The following PREX1 variants were observed in gnomAD, a reference collection of about 807,000 sequenced individuals.
PREX1 encodes the protein phosphatidylinositol 3,4,5-trisphosphate-dependent Rac exchanger 1 protein.
A neutral mutation model predicts 198.3 loss-of-function variants in PREX1; 41 were observed. The ratio of observed to expected loss-of-function variants is 0.21; its 90% CI spans 0.16 to 0.27. PREX1 has a LOEUF of 0.27. PREX1 is among the 10% of genes least tolerant of loss of function. PREX1 has a pLI of 1.00. For missense variants in PREX1, 1,620 were observed against 2,200.7 expected (o/e 0.74, Z 5.28); for synonymous variants, 843 against 887.2 (o/e 0.95, Z 0.89).
At chr20:48,680,415 C>T (rs913178252) in intron 11 of PREX1, among the ~76,000 whole-genome samples, 35 of 152,190 alleles carry the variant, frequency 2.3e-4, no homozygotes, top group African/African-American at 7.2e-4. Flanking sequence ...CTTTCCTCTA[C>T]GCAGAGCTCA....
At position 48,684,882 on chromosome 20, in the gene PREX1, G is replaced by T. The variant is rs549110347; in HGVS notation, c.1335-3547C>A. ...CTCACTGCAGCCTCAGGGCTTTCGCGCCTACTGCTTCCTAAGCCAGGAATG... is the reference window on the plus strand; with the variant it reads ...CTCACTGCAGCCTCAGGGCTTTCGCTCCTACTGCTTCCTAAGCCAGGAATG... On this transcript the variant is annotated intron_variant, in intron 10 of 39. Transcript: ENST00000371941. The surrounding 1 kb of genome is among the most constrained non-coding windows in gnomAD (Gnocchi z 4.2). 3.3e-4 allele frequency among the ~76,000 whole-genome samples: 51 copies of T among 152,276 alleles called. No individual in the cohort carries two copies. Among genetic ancestry groups the T allele is most frequent in the African/African-American group, 1.2e-3 (48 of 41,548 alleles).
At chr20:48,746,865 G>A (rs1393753519) in intron 2 of PREX1, among the ~76,000 whole-genome samples, 2 of 151,684 alleles carry the variant, frequency 1.3e-5, no homozygotes. Context: ...GAATAAACAG[G>A]AGGTGCTCAG....
At chr20:48,671,085 G>A (rs200576957) in intron 14 of PREX1, among the ~76,000 whole-genome samples, 3 of 152,278 alleles carry the variant, frequency 2.0e-5, no homozygotes, top group Admixed American at 6.5e-5. Flanking sequence ...GCCACCTCCC[G>A]AAGTCAGAAG....
At chr20:48,633,119 C>T (rs2089328910) in intron 33 of PREX1, among the ~76,000 whole-genome samples, 1 of 152,200 alleles carries the variant, frequency 6.6e-6, no homozygotes, top group Non-Finnish European at 1.5e-5. Flanking sequence ...GCACCCAGAC[C>T]CCATCCTGCA....
chr20:48,842,963 C>G, the PREX1 span, among the ~76,000 whole-genome samples: 1 of 152,252 alleles, frequency 6.6e-6, no homozygotes, highest in Admixed American at 6.5e-5. Flanking sequence ...GGGGCTAGCA[C>G]AGAGCCTGGC....
chr20:48,642,566 G>A (rs973858632), intron 27 of PREX1, 77 bp from the exon 28 acceptor site: 9 of 1,300,340 alleles, frequency 6.9e-6, no homozygotes, highest in East Asian at 2.4e-5. Flanking sequence ...TCCTAAGAGG[G>A]GGATACAGCT....
At chr20:48,821,394 C>A (rs553931162) in intron 1 of PREX1, among the ~76,000 whole-genome samples, 1 of 152,254 alleles carries the variant, frequency 6.6e-6, no homozygotes, top group East Asian at 1.9e-4. Flanking sequence ...AGATTCAGAC[C>A]GAATGACCCA....
intron 14 of PREX1, among the ~76,000 whole-genome samples, chr20:48,668,265 G>C (rs960441317): frequency 2.0e-5 from 3 of 152,196 alleles, no homozygotes; most frequent in African/African-American, 7.2e-5. Context: ...GAACCAGAAG[G>C]CAGCACGGCC....
chr20:48,742,372 C>T (rs1159707795), intron 3 of PREX1, among the ~76,000 whole-genome samples: 1 of 152,122 alleles, frequency 6.6e-6, no homozygotes, highest in Non-Finnish European at 1.5e-5. Context: ...CTCAACCACC[C>T]TAGAAGGTGA....
At chr20:48,724,017 A>C (rs1487476570) in intron 5 of PREX1, among the ~76,000 whole-genome samples, 1 of 152,220 alleles carries the variant, frequency 6.6e-6, no homozygotes, top group African/African-American at 2.4e-5. Context: ...TTTGAAACGC[A>C]GAGAAGAAGG....
At chr20:48,682,665 T>A (rs1025118804) in intron 10 of PREX1, among the ~76,000 whole-genome samples, 1 of 152,112 alleles carries the variant, frequency 6.6e-6, no homozygotes, top group African/African-American at 2.4e-5. Flanking sequence ...CTTTCCCAGC[T>A]CCCACGTGAC....
chr20:48,671,325 C>A (rs894989139), intron 14 of PREX1, among the ~76,000 whole-genome samples: 1 of 152,316 alleles, frequency 6.6e-6, no homozygotes, highest in Middle Eastern at 3.4e-3. Context: ...ATGTCTGGAG[C>A]CATGGCTGCC....
intron 3 of PREX1, among the ~76,000 whole-genome samples, chr20:48,734,970 C>A (rs1268016391): frequency 6.6e-6 from 1 of 152,190 alleles, no homozygotes; most frequent in Non-Finnish European, 1.5e-5. Flanking sequence ...GGCAGGTTAC[C>A]TGACTTCCCT....
chr20:48,741,753 G>A (rs778345462), intron 3 of PREX1, among the ~76,000 whole-genome samples: 3 of 152,332 alleles, frequency 2.0e-5, no homozygotes, highest in African/African-American at 4.8e-5. Flanking sequence ...AGGCCTTTGC[G>A]GAGAAGATGG....
chr20:48,656,904 G>C, intron 18 of PREX1, 136 bp downstream of exon 18: 1 of 1,211,210 alleles, frequency 8.3e-7, no homozygotes. Flanking sequence ...AATTAATGAA[G>C]GTCCAGCTTG....
At chr20:48,726,224 TA>T in intron 5 of PREX1, 65 bp downstream of exon 5, 3 of 1,391,482 alleles carry the variant, frequency 2.2e-6, no homozygotes, top group Non-Finnish European at 3.0e-6. Flanking sequence ...ATACTTGAAC[TA>T]ACAAATTTTA....
intron 1 of PREX1, among the ~76,000 whole-genome samples, chr20:48,788,148 T>A (rs1156333882): frequency 6.6e-6 from 1 of 152,194 alleles, no homozygotes; most frequent in Non-Finnish European, 1.5e-5. Context: ...AAGTTTTCTG[T>A]AAGCCGGGAA....
At position 48,797,454 on chromosome 20, in the gene PREX1, CTT is replaced by C. The variant is rs376049974; in HGVS notation, c.219+30186_219+30187del. Among the ~76,000 whole-genome samples, 29 of 152,064 alleles carry C rather than the reference CTT, an allele frequency of 1.9e-4. No homozygotes were observed. In the East Asian group the frequency reaches 5.6e-3, roughly 29 times the overall value. On this transcript the variant is annotated intron_variant, in intron 1 of 39. Transcript: ENST00000371941. ...AACAATATCCCCTTTTACCACCCCT[CTT>C]GTCTCTCACTTCCGCATTTAATTGC...
chr20:48,686,973 C>T (rs2089788609), intron 10 of PREX1, among the ~76,000 whole-genome samples: 1 of 152,204 alleles, frequency 6.6e-6, no homozygotes, highest in African/African-American at 2.4e-5. Flanking sequence ...GGGACCTGCT[C>T]CTGCCTCCCC....
Sources: gnomAD v4.1 joint callset for allele counts (sites outside exome capture counted in the v4.1 genomes callset) on GRCh38, gnomAD v4.1.1 for gene constraint, Gnocchi (gnomAD v3.1) non-coding constraint, MANE v1.5 for transcripts, NCBI Gene and HGNC (gene_info 2026-07-23, HGNC 2026-07-21) for gene names.